UGT1A8: variants seen among roughly 807,000 people sequenced by gnomAD.
UGT1A8 encodes the protein UDP-glucuronosyltransferase 1A8.
A neutral mutation model predicts 45.3 loss-of-function variants in UGT1A8; 39 were observed. The observed-to-expected ratio is 0.86, with a 90% CI of 0.67 to 1.12. The LOEUF is 1.12. Among genes scored for constraint, UGT1A8 ranks in the 50% most tolerant of loss-of-function variants. The pLI, the probability that UGT1A8 is intolerant of heterozygous loss-of-function variation, is 0.00. For synonymous variants in UGT1A8, 275 were observed against 249.2 expected (o/e 1.10, Z -0.97); for missense variants, 719 against 664.9 (o/e 1.08, Z -0.90).
chr2:233,673,050 AC>A (rs2074249214), intron 1 of UGT1A8, among the ~76,000 whole-genome samples: 1 of 152,224 alleles, frequency 6.6e-6, no homozygotes, highest in African/African-American at 2.4e-5. Context: ...TTAGAAAAGT[AC>A]CAAAAACCAC....
At chr2:233,683,037 A>G (rs1374308293) in intron 1 of UGT1A8, among the ~76,000 whole-genome samples, 2 of 152,110 alleles carry the variant, frequency 1.3e-5, no homozygotes, top group Non-Finnish European at 2.9e-5. Context: ...TCTAAATGCT[A>G]TTTTTGGAAA....
chr2:233,724,683 C>T (rs986382878), intron 1 of UGT1A8, among the ~76,000 whole-genome samples: 9 of 144,584 alleles, frequency 6.2e-5, no homozygotes, highest in African/African-American at 1.3e-4. Flanking sequence ...GATGGGATGG[C>T]GGCCGGGTGA....
chr2:233,767,996 A>AG (rs1699544638), intron 3 of UGT1A8, 60 bp downstream of exon 3: 2 of 1,614,194 alleles, frequency 1.2e-6, no homozygotes, highest in Non-Finnish European at 1.7e-6. Flanking sequence ...AAATGGCTTA[A>AG]GCACAGCTAT....
chr2:233,655,185 A>G (rs189165849), intron 1 of UGT1A8, among the ~76,000 whole-genome samples: 6 of 152,338 alleles, frequency 3.9e-5, no homozygotes, highest in Admixed American at 2.6e-4. Context: ...TAATGTGCTA[A>G]TTACATGGTC....
chr2:233,766,546 G>A (rs1699179284), intron 1 of UGT1A8, among the ~76,000 whole-genome samples: 1 of 152,192 alleles, frequency 6.6e-6, no homozygotes, highest in Admixed American at 6.5e-5. Flanking sequence ...AAAAATGCCT[G>A]TCCTCACCTA....
intron 1 of UGT1A8, among the ~76,000 whole-genome samples, chr2:233,752,866 C>G (rs1227879768): frequency 6.6e-6 from 1 of 152,186 alleles, no homozygotes; most frequent in Non-Finnish European, 1.5e-5. Context: ...TTTGTGTTAG[C>G]TTTCAACTGT....
intron 1 of UGT1A8, among the ~76,000 whole-genome samples, chr2:233,677,048 T>C (rs1433815859): frequency 6.6e-6 from 1 of 152,170 alleles, no homozygotes; most frequent in Non-Finnish European, 1.5e-5. Flanking sequence ...CATTACCATA[T>C]GCATTTTAAA....
intron 1 of UGT1A8, among the ~76,000 whole-genome samples, chr2:233,726,869 C>T (rs1231385710): frequency 3.3e-5 from 5 of 152,180 alleles, no homozygotes; most frequent in African/African-American, 9.7e-5. Flanking sequence ...CTTCTATTCT[C>T]CAGGCTTCAG....
chr2:233,726,371 C>T (rs1294856696), intron 1 of UGT1A8, among the ~76,000 whole-genome samples: 5 of 152,074 alleles, frequency 3.3e-5, no homozygotes, highest in Non-Finnish European at 2.9e-5. Context: ...ACAACAAAAA[C>T]CAAAATTGCT....
chr2:233,750,785 G>A (rs1694560373), intron 1 of UGT1A8: 1 of 151,946 alleles, frequency 6.6e-6, no homozygotes. Context: ...TGGGTACACA[G>A]AAGATAAGAA....
At chr2:233,669,636 C>A (rs2074141612) in intron 1 of UGT1A8, among the ~76,000 whole-genome samples, 1 of 152,004 alleles carries the variant, frequency 6.6e-6, no homozygotes, top group South Asian at 2.1e-4. Flanking sequence ...ATTGAGGTAC[C>A]AACCCCCGAG....
At chr2:233,735,180 T>C (rs1028765761) in intron 1 of UGT1A8, among the ~76,000 whole-genome samples, 1 of 148,186 alleles carries the variant, frequency 6.7e-6, no homozygotes, top group Non-Finnish European at 1.5e-5. Flanking sequence ...AGAACTTGCT[T>C]TATGAATCTA....
intron 1 of UGT1A8, among the ~76,000 whole-genome samples, chr2:233,631,382 TTTCTGG>T (rs1437200326): frequency 6.6e-6 from 1 of 152,164 alleles, no homozygotes; most frequent in Non-Finnish European, 1.5e-5. Context: ...TCAAATGGTA[TTTCTGG>T]TTCTAGATCC....
At position 233,768,268 on chromosome 2, in the gene UGT1A8, T is replaced by A; in HGVS notation, c.1124T>A (p.Val375Asp). The change falls in exon 4 of 5, where the codon GTT becomes GAT. Residue 375 changes from valine to aspartate, a missense_variant. By Grantham distance (152) the Val-to-Asp change is radical. Coordinates refer to ENST00000373450, the MANE Select transcript of UGT1A8 (RefSeq NM_019076.5). ...AFITHAGSHG[V>D]YESICNGVPM... Reference sequence around the variant, plus strand: ...ATCACCCATGCTGGTTCCCATGGTGTTTATGAAAGCATATGCAATGGCGTT... The same window carrying A: ...ATCACCCATGCTGGTTCCCATGGTGATTATGAAAGCATATGCAATGGCGTT... 1 of 1,614,178 alleles carries A rather than the reference T, an allele frequency of 6.2e-7. No homozygotes were observed. The highest frequency in any genetic ancestry group is 8.5e-7 in the Non-Finnish European group (1 of 1,180,024).
At chr2:233,730,201 G>A (rs1312808089) in intron 1 of UGT1A8, among the ~76,000 whole-genome samples, 2 of 152,190 alleles carry the variant, frequency 1.3e-5, no homozygotes, top group Non-Finnish European at 2.9e-5. Context: ...AGAGGAAGAG[G>A]AAGTAGACAC....
intron 1 of UGT1A8, among the ~76,000 whole-genome samples, chr2:233,717,439 G>A (rs542098595): frequency 2.9e-4 from 44 of 152,272 alleles, no homozygotes; most frequent in Non-Finnish European, 5.4e-4. Flanking sequence ...TCTGATGGAC[G>A]CATCCATTCA....
At chr2:233,759,465 A>T (rs1383052277) in intron 1 of UGT1A8, among the ~76,000 whole-genome samples, 2 of 152,106 alleles carry the variant, frequency 1.3e-5, no homozygotes, top group Non-Finnish European at 2.9e-5. Flanking sequence ...GCCACTCAAG[A>T]TCTATCTTAC....
chr2:233,652,522 C>T (rs1280019651), intron 1 of UGT1A8, among the ~76,000 whole-genome samples: 1 of 152,196 alleles, frequency 6.6e-6, no homozygotes, highest in African/African-American at 2.4e-5. Context: ...TACATAGCCA[C>T]AATATCATTA....
At position 233,618,428 on chromosome 2, in the gene UGT1A8, G is replaced by T; in HGVS notation, c.721G>T (p.Ala241Ser). The change falls in exon 1 of 5, where the codon GCA becomes TCA. Residue 241 changes from alanine (A) to serine (S), a missense_variant. Coordinates refer to ENST00000373450, the MANE Select transcript of UGT1A8 (RefSeq NM_019076.5). ...TGAAATTCTCCAAACACCTGTCACA[G>T]CATATGATCTCTACAGCCACACATC... is the stretch of plus-strand genomic sequence containing the variant. ...ASEILQTPVT[A>S]YDLYSHTSIW... 1 of 1,613,904 alleles carries T rather than the reference G, an allele frequency of 6.2e-7. No homozygotes were observed. Among genetic ancestry groups the T allele is most frequent in the Non-Finnish European group, 8.5e-7 (1 of 1,179,858 alleles).
Sources: allele counts gnomAD v4.1 joint callset (sites outside exome capture counted in the v4.1 genomes callset), GRCh38; gene constraint gnomAD v4.1.1; transcripts MANE v1.5; gene names NCBI Gene and HGNC (gene_info 2026-07-23, HGNC 2026-07-21).